NAV3: variants seen among roughly 807,000 people sequenced by gnomAD.
NAV3 encodes pore membrane and/or filament interacting like protein 1.
Under a neutral mutation model 244.7 loss-of-function variants are expected in NAV3, and 87 were observed. The ratio of observed to expected loss-of-function variants is 0.36; its 90% CI spans 0.30 to 0.42. NAV3 has a LOEUF of 0.42. NAV3 is among the 20% of genes least tolerant of loss of function. NAV3 has a pLI of 1.00. For synonymous variants in NAV3, 1,126 were observed against 1,042.2 expected, an observed-to-expected ratio of 1.08 and a Z score of -1.55; for missense variants, 2,663 against 2,893.3, an observed-to-expected ratio of 0.92 and a Z score of 1.83.
In NAV3 at chr12:77,900,647, GTTA is replaced by G. The variant is rs1885180058; in HGVS notation, c.244-39669_244-39667del. Among the ~76,000 whole-genome samples, 3 of 152,048 alleles carry G rather than the reference GTTA, an allele frequency of 2.0e-5. No homozygotes were observed. The South Asian group carries it at 6.2e-4, about 31-fold the overall frequency. ...GGTCTTCTAAGTTGATTCCATGTCT[GTTA>G]TTGTGAATAGTGCTGCGATTAACAT... On this transcript the variant is annotated intron_variant, in intron 1 of 39. Coordinates refer to ENST00000397909, the MANE Select transcript of NAV3 (RefSeq NM_001024383.2).
intron 8 of NAV3, among the ~76,000 whole-genome samples, chr12:78,014,735 GGAGGAGGAACTGT>G (rs879496370): frequency 2.6e-5 from 4 of 152,090 alleles, no homozygotes; most frequent in Non-Finnish European, 5.9e-5. Flanking sequence ...ATAATGAAGA[GGAGGAGGAACTGT>G]GAGTTTACAA....
At chr12:77,977,712 G>GTGCACA (rs1555248348) in intron 5 of NAV3, among the ~76,000 whole-genome samples, 2 of 143,000 alleles carry the variant, frequency 1.4e-5, no homozygotes, top group African/African-American at 2.6e-5. Flanking sequence ...ACACACACGC[G>GTGCACA]CACACACACA....
At chr12:77,615,287 A>G (rs1306228174) in intron 2 of NAV3, among the ~76,000 whole-genome samples, 4 of 152,086 alleles carry the variant, frequency 2.6e-5, no homozygotes, top group African/African-American at 9.7e-5. Context: ...GTACATGTAC[A>G]GGTTTGTTAC....
At chr12:78,061,944 T>C (rs149682572) in intron 12 of NAV3, among the ~76,000 whole-genome samples, 54 of 152,230 alleles carry the variant, frequency 3.5e-4, no homozygotes, top group Non-Finnish European at 5.9e-4. Context: ...AAATGTCAAC[T>C]GGGGAAATTT....
At chr12:77,835,958 C>G (rs982958894) in intron 1 of NAV3, among the ~76,000 whole-genome samples, 1 of 152,168 alleles carries the variant, frequency 6.6e-6, no homozygotes, top group African/African-American at 2.4e-5. Context: ...ATAAATAATA[C>G]TAGTTCCAGA....
intron 30 of NAV3, among the ~76,000 whole-genome samples, chr12:78,182,917 A>G (rs1958561284): frequency 6.6e-6 from 1 of 151,990 alleles, no homozygotes; most frequent in Non-Finnish European, 1.5e-5. Flanking sequence ...GCTTTTTAAC[A>G]GACAGACTTT....
At chr12:77,735,110 T>A (rs1877283097) in intron 2 of NAV3, among the ~76,000 whole-genome samples, 1 of 152,126 alleles carries the variant, frequency 6.6e-6, no homozygotes, top group African/African-American at 2.4e-5. Context: ...ATCAAGGACA[T>A]GATATTGCTC....
chr12:77,966,427 T>G (rs1892520033), intron 4 of NAV3, 126 bp downstream of exon 4: 2 of 739,268 alleles, frequency 2.7e-6, no homozygotes, highest in Non-Finnish European at 4.4e-6. Flanking sequence ...TGGTGAAGTC[T>G]TCAAGACAAC....
chr12:77,828,545 C>A (rs933959589), upstream of NAV3, among the ~76,000 whole-genome samples: 4 of 151,628 alleles, frequency 2.6e-5, no homozygotes, highest in African/African-American at 9.7e-5. Flanking sequence ...TATCAGTGAC[C>A]GTAAGCTAAT....
At chr12:78,126,519 G>A (rs1458706172) in intron 16 of NAV3, among the ~76,000 whole-genome samples, 1 of 151,934 alleles carries the variant, frequency 6.6e-6, no homozygotes, top group Non-Finnish European at 1.5e-5. Context: ...GTTACCAATT[G>A]TGAATTCCTT....
chr12:77,968,509 T>C lies in NAV3; in HGVS notation c.488-10T>C. The C allele has an allele frequency of 6.2e-7, 1 of 1,603,222 alleles. No individual in the cohort carries two copies. The highest frequency in any genetic ancestry group is 8.5e-7 in the Non-Finnish European group (1 of 1,172,154). ...TATGATTCTTTTTTTGTATTTTTCA[T>C]TTCATACAGAAATAAGAAATGGAAA... On this transcript the variant is annotated splice_polypyrimidine_tract_variant and intron_variant, in intron 4 of 39. Coordinates refer to ENST00000397909, the MANE Select transcript of NAV3 (RefSeq NM_001024383.2).
At chr12:78,004,014 C>T (rs1041636232) in intron 7 of NAV3, among the ~76,000 whole-genome samples, 1 of 152,180 alleles carries the variant, frequency 6.6e-6, no homozygotes, top group Admixed American at 6.5e-5. Flanking sequence ...AGAGCCATTT[C>T]AGCAGAATTT....
rs774877836 is a variant in NAV3, at chr12:77,831,566, G to A, written c.105G>A (p.Gln35=). The change falls in exon 1 of 40, where the codon CAG becomes CAA. Residue 35 remains glutamine (Q), a synonymous_variant. Transcript: ENST00000397909. The part of the protein sequence containing the change: ...PIPNLGTTGS[Q]HCSSRPLELT... ...CAAATCTTGGCACTACTGGGTCACA[G>A]CACTGTTCTTCAAGACCTTTGGAAC... The A allele has an allele frequency of 5.6e-6, 9 of 1,613,954 alleles. No individual in the cohort carries two copies. Among genetic ancestry groups the A allele is most frequent in the Non-Finnish European group, 5.1e-6 (6 of 1,179,988 alleles).
At chr12:77,939,090 G>A (rs116986745) in intron 1 of NAV3, among the ~76,000 whole-genome samples, 2,461 of 151,892 alleles carry the variant, frequency 0.016, 26 homozygotes, top group Admixed American at 0.025. Context: ...TATACTTCTG[G>A]TTTATTATTA....
intron 27 of NAV3, 29 bp downstream of exon 27, chr12:78,177,342 CAT>C (rs776152962): frequency 1.9e-6 from 3 of 1,588,294 alleles, no homozygotes; most frequent in Non-Finnish European, 2.6e-6. Flanking sequence ...AAAATGCAGA[CAT>C]ATTTTTTAAA....
At chr12:77,859,838 T>TG (rs1878991517) in intron 1 of NAV3, among the ~76,000 whole-genome samples, 1 of 149,316 alleles carries the variant, frequency 6.7e-6, no homozygotes, top group Non-Finnish European at 1.5e-5. Context: ...TTATTTAAAA[T>TG]GATAATTTTG....
chr12:77,673,711 G>T (rs1166444236), intron 2 of NAV3, among the ~76,000 whole-genome samples: 1 of 152,034 alleles, frequency 6.6e-6, no homozygotes, highest in Non-Finnish European at 1.5e-5. Flanking sequence ...TGAGGAGGAA[G>T]TTACATACCC....
At chr12:78,189,416 GCTCCTTTCTTAA>G in intron 33 of NAV3, among the ~76,000 whole-genome samples, 1 of 151,832 alleles carries the variant, frequency 6.6e-6, no homozygotes, top group Middle Eastern at 3.4e-3. Flanking sequence ...AGATACTGTT[GCTCCTTTCTTAA>G]TTCCTTGCCA....
rs776672036 is a variant in NAV3, at chr12:78,006,497, C to T, written c.959C>T (p.Ala320Val). 1 of 1,614,036 alleles carries T rather than the reference C, an allele frequency of 6.2e-7. No homozygotes were observed. The highest frequency in any genetic ancestry group is 8.5e-7 in the Non-Finnish European group (1 of 1,180,010). ...QPPSTAGQPP[A>V]SAIPSPSASK... is the part of the protein sequence containing the mutation. Reference sequence around the variant, plus strand: ...CCCAGTACTGCTGGGCAGCCTCCTGCCTCTGCCATCCCTTCTCCAAGTGCC... The same window carrying T: ...CCCAGTACTGCTGGGCAGCCTCCTGTCTCTGCCATCCCTTCTCCAAGTGCC... Residue 320 changes from alanine to valine, a missense_variant, in exon 8 of 40, where the codon GCC (alanine) becomes GTC (valine). Around this residue, in one of 6 missense-constraint regions of NAV3, gnomAD observed 1,521 missense variants for 1,497.0 expected, o/e 1.02. Coordinates refer to ENST00000397909, the MANE Select transcript of NAV3 (RefSeq NM_001024383.2).
Sources: gnomAD v4.1 joint callset for allele counts (sites outside exome capture counted in the v4.1 genomes callset) on GRCh38, gnomAD v4.1.1 for gene constraint, gnomAD v4.1.1 regional missense constraint, MANE v1.5 for transcripts, NCBI Gene and HGNC (gene_info 2026-07-23, HGNC 2026-07-21) for gene names.